HECW1: variants seen among roughly 807,000 people sequenced by gnomAD.
The protein encoded by HECW1 is HECT, C2 and WW domain containing E3 ubiquitin protein ligase 1, also known as E3 ubiquitin-protein ligase HECW1.
Under a neutral mutation model 182.3 loss-of-function variants are expected in HECW1, and 61 were observed. The observed-to-expected ratio is 0.33, with a 90% CI of 0.27 to 0.41. The LOEUF is 0.41. Ranked by LOEUF, HECW1 falls within the 10% of genes least tolerant of loss-of-function variation. The pLI is 1.00. For missense variants in HECW1, 1,739 were observed against 2,108.9 expected (o/e 0.82, Z 3.44); for synonymous variants, 859 against 832.6 (o/e 1.03, Z -0.55).
chr7:43,487,048 GACA>G (rs1447109583), intron 17 of HECW1, among the ~76,000 whole-genome samples: 1 of 152,132 alleles, frequency 6.6e-6, no homozygotes, highest in Non-Finnish European at 1.5e-5. Context: ...AGATAATTCT[GACA>G]ACTTTGTTAA....
intron 24 of HECW1, among the ~76,000 whole-genome samples, chr7:43,523,429 A>C (rs1163961736): frequency 6.6e-6 from 1 of 152,210 alleles, no homozygotes; most frequent in Non-Finnish European, 1.5e-5. Flanking sequence ...AGAGAGAGAA[A>C]TCTTGAATTA....
chr7:43,502,996 G>A (rs955760762), intron 21 of HECW1, among the ~76,000 whole-genome samples: 13 of 152,154 alleles, frequency 8.5e-5, no homozygotes, highest in African/African-American at 2.7e-4. Flanking sequence ...ACTGCCGTAG[G>A]TCTCCAGACT....
At chr7:43,113,174 G>A (rs1228114788) in intron 1 of HECW1, among the ~76,000 whole-genome samples, 15 of 152,136 alleles carry the variant, frequency 9.9e-5, no homozygotes, top group Admixed American at 3.9e-4. Flanking sequence ...TACTGCAGGC[G>A]CACCCGGCCC....
chr7:43,524,594 T>C (rs528863783), intron 24 of HECW1, among the ~76,000 whole-genome samples: 1 of 152,374 alleles, frequency 6.6e-6, no homozygotes, highest in East Asian at 1.9e-4. Context: ...AAATTACTCT[T>C]TCTTTTCATT....
intron 13 of HECW1, among the ~76,000 whole-genome samples, 163 bp from the exon 14 acceptor site, chr7:43,463,497 T>G (rs1435170959): frequency 6.6e-6 from 1 of 152,220 alleles, no homozygotes. Flanking sequence ...TTAGAGATAC[T>G]TGTCTTGCTA....
intron 3 of HECW1, among the ~76,000 whole-genome samples, chr7:43,303,028 G>T (rs989369184): frequency 1.3e-5 from 2 of 151,944 alleles, no homozygotes; most frequent in Admixed American, 1.3e-4. Context: ...TAAATATTAT[G>T]AACAGGAATT....
chr7:43,219,912 A>G (rs1796806470), intron 2 of HECW1, among the ~76,000 whole-genome samples: 1 of 152,116 alleles, frequency 6.6e-6, no homozygotes, highest in African/African-American at 2.4e-5. Context: ...TGGGCAGGAA[A>G]TGGACACAGT....
intron 17 of HECW1, among the ~76,000 whole-genome samples, chr7:43,490,826 C>T (rs1038875506): frequency 1.3e-5 from 2 of 152,098 alleles, no homozygotes; most frequent in African/African-American, 2.4e-5. Flanking sequence ...GGTGCAATCT[C>T]GGTTCACTGC....
At chr7:43,221,537 GTTTTTTTTT>G (rs71008897) in intron 2 of HECW1, among the ~76,000 whole-genome samples, 14 of 50,526 alleles carry the variant, frequency 2.8e-4, no homozygotes, top group African/African-American at 6.1e-4. Context: ...GAGGAATTAG[GTTTTTTTTT>G]TTTTTTTTTT....
intron 3 of HECW1, among the ~76,000 whole-genome samples, chr7:43,268,395 C>G (rs879647983): frequency 6.6e-6 from 1 of 152,210 alleles, no homozygotes; most frequent in African/African-American, 2.4e-5. Flanking sequence ...AGCCTTATTC[C>G]CTGTGAAACC....
intron 4 of HECW1, among the ~76,000 whole-genome samples, chr7:43,318,487 C>T (rs1809627154): frequency 3.3e-5 from 5 of 152,198 alleles, no homozygotes; most frequent in Admixed American, 3.3e-4. Context: ...TTCATTTGCC[C>T]AGTCATTTTT....
At chr7:43,287,327 A>T (rs1159121877) in intron 3 of HECW1, among the ~76,000 whole-genome samples, 5 of 152,018 alleles carry the variant, frequency 3.3e-5, no homozygotes, top group Non-Finnish European at 5.9e-5. Context: ...GGGGGTGCAC[A>T]TTCCTGGCAG....
At chr7:43,190,280 AT>A (rs1312211526) in intron 2 of HECW1, among the ~76,000 whole-genome samples, 1 of 152,074 alleles carries the variant, frequency 6.6e-6, no homozygotes, top group African/African-American at 2.4e-5. Flanking sequence ...CGCCTGGCTA[AT>A]TTTTGTGTTT....
intron 25 of HECW1, 129 bp from the exon 26 acceptor site, chr7:43,541,740 G>T: frequency 1.2e-6 from 1 of 801,816 alleles, no homozygotes; most frequent in Non-Finnish European, 1.8e-6. Context: ...TTCATCAGTG[G>T]ATTCAAAAGT....
At chr7:43,536,084 A>G (rs2081169603) in intron 24 of HECW1, among the ~76,000 whole-genome samples, 1 of 152,214 alleles carries the variant, frequency 6.6e-6, no homozygotes, top group Non-Finnish European at 1.5e-5. Flanking sequence ...AAAACAGAGC[A>G]TGCTTTCCAC....
intron 9 of HECW1, chr7:43,438,984 A>T (rs1055240952): frequency 2.6e-5 from 4 of 152,214 alleles, no homozygotes; most frequent in Non-Finnish European, 5.9e-5. Context: ...TATCATAAAG[A>T]CATTTATTAT....
intron 24 of HECW1, among the ~76,000 whole-genome samples, chr7:43,514,597 A>G (rs1366173682): frequency 6.6e-6 from 1 of 152,050 alleles, no homozygotes; most frequent in Non-Finnish European, 1.5e-5. Flanking sequence ...CCTATTCCAC[A>G]TTTCATATCT....
intron 3 of HECW1, among the ~76,000 whole-genome samples, chr7:43,285,420 C>T (rs1804509426): frequency 6.6e-6 from 1 of 152,188 alleles, no homozygotes; most frequent in African/African-American, 2.4e-5. Flanking sequence ...ACTCAGCCTG[C>T]ATAGGTCCAT....
intron 8 of HECW1, among the ~76,000 whole-genome samples, chr7:43,426,610 T>A (rs2076370965): frequency 1.3e-5 from 2 of 152,218 alleles, no homozygotes; most frequent in Non-Finnish European, 2.9e-5. Context: ...TCAGTTTGTA[T>A]CAAAGATGTC....
Sources: gnomAD v4.1 joint callset for allele counts (sites outside exome capture counted in the v4.1 genomes callset) on GRCh38, gnomAD v4.1.1 for gene constraint, MANE v1.5 for transcripts, NCBI Gene and HGNC (gene_info 2026-07-23, HGNC 2026-07-21) for gene names.